The following FLT1 variants were observed in gnomAD, a reference collection of about 807,000 sequenced individuals.
The protein encoded by FLT1 is fms related receptor tyrosine kinase 1.
In FLT1, 49 loss-of-function variants were observed where a neutral mutation model predicts 156.3. The observed-to-expected ratio is 0.31, with a 90% confidence interval of 0.25 to 0.40. The LOEUF is 0.40. FLT1 is among the 10% of genes least tolerant of loss of function. The probability of loss-of-function intolerance (pLI) is 1.00; values close to 1 mark genes in which losing one functional copy is unlikely to be tolerated. For missense variants in FLT1, 1,322 were observed against 1,637.2 expected (o/e 0.81, Z 3.32); for synonymous variants, 594 against 583.8 (o/e 1.02, Z -0.25).
At chr13:28,478,978 C>G (rs750081759) in intron 1 of FLT1, among the ~76,000 whole-genome samples, 16 of 152,130 alleles carry the variant, frequency 1.1e-4, no homozygotes, top group Non-Finnish European at 2.2e-4. Flanking sequence ...GATTGGAAGG[C>G]CGAATGTGAT....
chr13:28,344,268 G>A (rs186260455), intron 16 of FLT1, among the ~76,000 whole-genome samples: 2 of 151,830 alleles, frequency 1.3e-5, no homozygotes, highest in African/African-American at 2.4e-5. Flanking sequence ...TGTTCTCCAC[G>A]CTGTAGCCCT....
At chr13:28,394,711 G>A (rs959006279) in intron 12 of FLT1, among the ~76,000 whole-genome samples, 4 of 152,104 alleles carry the variant, frequency 2.6e-5, no homozygotes, top group Admixed American at 2.6e-4. Context: ...TGTTCTGGTC[G>A]CAGCTCTTCC....
At chr13:28,387,716 C>G in intron 13 of FLT1, 4 of 1,053,164 alleles carry the variant, frequency 3.8e-6, no homozygotes, top group Non-Finnish European at 3.4e-6. Flanking sequence ...TTTTTTTTCT[C>G]CCCCCTCCGT....
chr13:28,308,453 CCCA>C, intron 28 of FLT1: 14 of 322,328 alleles, frequency 4.3e-5, no homozygotes, highest in Middle Eastern at 1.1e-3. Flanking sequence ...GTGGACCCCT[CCCA>C]GCCTCAAGGC....
chr13:28,438,938 G>A (rs929982858), intron 3 of FLT1, among the ~76,000 whole-genome samples: 3 of 152,232 alleles, frequency 2.0e-5, no homozygotes, highest in Non-Finnish European at 4.4e-5. Context: ...GGCCGGAGAA[G>A]CTGTGTTGAA....
At chr13:28,336,509 C>G (rs1186069424) in intron 17 of FLT1, among the ~76,000 whole-genome samples, 1 of 152,196 alleles carries the variant, frequency 6.6e-6, no homozygotes, top group Non-Finnish European at 1.5e-5. Context: ...ATATTGGAAT[C>G]TCCTCCAAGA....
At chr13:28,335,147 C>G (rs1872068758) in intron 17 of FLT1, among the ~76,000 whole-genome samples, 1 of 152,140 alleles carries the variant, frequency 6.6e-6, no homozygotes, top group Non-Finnish European at 1.5e-5. Flanking sequence ...CATCAGGAAA[C>G]AGCTCAATAG....
chr13:28,473,777 GGAAAGAAAGAAAGAAAGAAAGAAA>G lies in FLT1; in HGVS notation c.65-6184_65-6161del, dbSNP rs1224855124. On this transcript the variant is annotated intron_variant, in intron 1 of 29. Transcript: ENST00000282397. ...AGGAAGGAAGGAAGGAAGGAAGGAA[GGAAAGAAAGAAAGAAAGAAAGAAA>G]GAAAGAAAGAAAGAAAGAAAGAAAG... is the stretch of plus-strand genomic sequence containing the variant. 2.6e-3 allele frequency among the ~76,000 whole-genome samples: 164 copies of G among 63,710 alleles called. 1 individual carries two copies. The highest frequency in any genetic ancestry group is 8.9e-3 in the African/African-American group (130 of 14,598). 41.8% of individuals were successfully genotyped at this position (63,710 alleles called of 152,430 possible).
chr13:28,314,400 A>G (rs1871122580), intron 25 of FLT1, among the ~76,000 whole-genome samples: 1 of 149,916 alleles, frequency 6.7e-6, no homozygotes. Flanking sequence ...AAATGAAAAG[A>G]AAAAAAAAAT....
Position 28,477,595 on chromosome 13 carries a change from T to G in FLT1, c.65-9978A>C, listed in dbSNP as rs114100846. On this transcript the variant is annotated intron_variant, in intron 1 of 29. Coordinates refer to ENST00000282397, the MANE Select transcript of FLT1 (RefSeq NM_002019.4). ...GTAGACCTTCGTCTGGTTATGCAAA[T>G]GGACACGAACAGAGAAAACACTCTT... Among the ~76,000 whole-genome samples the G allele has an allele frequency of 5.3e-3, 805 of 152,276 alleles. 10 individuals carry two copies. The highest frequency in any genetic ancestry group is 0.019 in the African/African-American group (772 of 41,548).
intron 14 of FLT1, among the ~76,000 whole-genome samples, chr13:28,361,773 G>T (rs1873121420): frequency 6.6e-6 from 1 of 152,192 alleles, no homozygotes; most frequent in African/African-American, 2.4e-5. Context: ...TTTCATGTGT[G>T]TATTAGCCAT....
chr13:28,456,988 T>C (rs914431403), intron 3 of FLT1, among the ~76,000 whole-genome samples: 2 of 152,202 alleles, frequency 1.3e-5, no homozygotes, highest in African/African-American at 4.8e-5. Context: ...AACCCTCATG[T>C]ACACTTTGCA....
chr13:28,354,965 CTT>C (rs915173810), intron 15 of FLT1, among the ~76,000 whole-genome samples: 1 of 152,076 alleles, frequency 6.6e-6, no homozygotes, highest in African/African-American at 2.4e-5. Context: ...TAACATCTGA[CTT>C]TTCAGAAAAG....
chr13:28,350,493 T>C (rs1294090515), intron 15 of FLT1, among the ~76,000 whole-genome samples: 1 of 152,120 alleles, frequency 6.6e-6, no homozygotes, highest in African/African-American at 2.4e-5. Context: ...TGAGCTTTCC[T>C]GATAGCAATA....
chr13:28,303,512 T>G (rs1870608985), intron 29 of FLT1, 144 bp from the exon 30 acceptor site: 1 of 704,328 alleles, frequency 1.4e-6, no homozygotes. Context: ...CCTCAATTGC[T>G]GTCAGATTTC....
intron 15 of FLT1, 25 bp downstream of exon 15, chr13:28,357,529 G>T (rs374812150): frequency 1.9e-6 from 3 of 1,613,266 alleles, no homozygotes; most frequent in Non-Finnish European, 2.5e-6. Context: ...CCAATTTCTT[G>T]TTGCTTTCTT....
chr13:28,454,946 A>G (rs1480228359), intron 3 of FLT1, among the ~76,000 whole-genome samples: 1 of 152,216 alleles, frequency 6.6e-6, no homozygotes, highest in African/African-American at 2.4e-5. Context: ...CTATCAAAAT[A>G]TATATAAGAA....
At chr13:28,318,240 C>T (rs1593675096) in intron 24 of FLT1, among the ~76,000 whole-genome samples, 1 of 152,098 alleles carries the variant, frequency 6.6e-6, no homozygotes, top group East Asian at 1.9e-4. Context: ...AGTACCAGGG[C>T]TCTAGGAGTT....
At chr13:28,390,206 T>C (rs1204235108) in intron 12 of FLT1, 102 bp from the exon 13 acceptor site, 3 of 1,481,592 alleles carry the variant, frequency 2.0e-6, no homozygotes, top group Non-Finnish European at 2.7e-6. Flanking sequence ...ATTATCTCAG[T>C]ATCCACATTA....
Sources: allele counts gnomAD v4.1 joint callset (sites outside exome capture counted in the v4.1 genomes callset), GRCh38; gene constraint gnomAD v4.1.1; transcripts MANE v1.5; gene names NCBI Gene and HGNC (gene_info 2026-07-23, HGNC 2026-07-21).